The following PCDHA5 variants were observed in gnomAD, a reference collection of about 807,000 sequenced individuals.
PCDHA5 encodes protocadherin alpha 5.
PCDHA5 carries 43 observed loss-of-function variants against 61.6 expected under a neutral mutation model. The observed-to-expected ratio is 0.70, with a 90% CI of 0.55 to 0.90. PCDHA5 has a LOEUF of 0.90. PCDHA5 is among the 40% of genes least tolerant of loss of function. The pLI is 0.00. For missense variants in PCDHA5, 1,298 were observed against 1,222.7 expected (o/e 1.06, Z -0.92); for synonymous variants, 627 against 543.9 (o/e 1.15, Z -2.13).
intron 1 of PCDHA5, chr5:140,857,981 C>G (rs377577023): frequency 6.3e-7 from 1 of 1,596,978 alleles, no homozygotes; most frequent in Non-Finnish European, 8.6e-7. Flanking sequence ...GCCACGCCAG[C>G]GCCTACTGGT....
At position 141,010,031 on chromosome 5, in the gene PCDHA5, A is replaced by C; in HGVS notation, c.*94A>C. On this transcript the variant is annotated 3_prime_UTR_variant, in exon 4 of 4. Transcript: ENST00000529859. Reference sequence around the variant, plus strand: ...TTCCCTGCTCCTTTTTCCTATCTACATGAGCCCTCTTAGAGACCTCAGAAA... The same window carrying C: ...TTCCCTGCTCCTTTTTCCTATCTACCTGAGCCCTCTTAGAGACCTCAGAAA... 4 of 1,581,690 alleles carry C rather than the reference A, an allele frequency of 2.5e-6. No individual in the cohort carries two copies. Among genetic ancestry groups the C allele is most frequent in the South Asian group, 1.2e-5 (1 of 84,422 alleles).
In PCDHA5 at chr5:140,843,133, C is replaced by T. The variant is rs2150353566; in HGVS notation, c.2352+19006C>T. The T allele has an allele frequency of 2.5e-6, 4 of 1,595,974 alleles. 1 individual carries two copies. The highest frequency in any genetic ancestry group is 3.4e-6 in the Non-Finnish European group (4 of 1,165,590). ...CAGTGGACGCCGACTCGGGCTACAA[C>T]GCGTGGCTTTCGTATGAGCTGCAGC... On this transcript the variant is annotated intron_variant, in intron 1 of 3. Transcript: ENST00000529859.
intron 2 of PCDHA5, among the ~76,000 whole-genome samples, chr5:140,979,796 T>A (rs1322390860): frequency 3.3e-5 from 5 of 152,236 alleles, no homozygotes; most frequent in Non-Finnish European, 7.3e-5. Flanking sequence ...AAACAAATGA[T>A]CACAACTATC....
At chr5:140,842,265 T>C in intron 1 of PCDHA5, 1 of 1,610,902 alleles carries the variant, frequency 6.2e-7, no homozygotes. Flanking sequence ...CAAGAAAACT[T>C]ATACAAAATC....
intron 1 of PCDHA5, among the ~76,000 whole-genome samples, chr5:140,826,793 T>C (rs1346531723): frequency 6.6e-5 from 10 of 152,152 alleles, no homozygotes; most frequent in Admixed American, 6.5e-4. Context: ...TGCAAAAAGT[T>C]GATTACCTAA....
chr5:140,830,188 C>T, intron 1 of PCDHA5: 1 of 1,613,672 alleles, frequency 6.2e-7, no homozygotes, highest in South Asian at 1.1e-5. Flanking sequence ...TCAACGTGTA[C>T]CTGATCATCG....
intron 1 of PCDHA5, among the ~76,000 whole-genome samples, chr5:140,917,749 C>G (rs2078340847): frequency 6.6e-6 from 1 of 152,144 alleles, no homozygotes; most frequent in African/African-American, 2.4e-5. Flanking sequence ...TCCCATTGGT[C>G]TATGTGTCTG....
At position 140,846,059 on chromosome 5, in the gene PCDHA5, G is replaced by A. The variant is rs1780185610; in HGVS notation, c.2352+21932G>A. ...AGTCAAGTTAACACCACCTATGTGG[G>A]AAAACAGTTTTTTGGAAAGGTTAAA... On this transcript the variant is annotated intron_variant, in intron 1 of 3. Coordinates refer to ENST00000529859, the MANE Select transcript of PCDHA5 (RefSeq NM_018908.3). 2.0e-5 allele frequency among the ~76,000 whole-genome samples: 3 copies of A among 149,674 alleles called. No individual in the cohort carries two copies. The South Asian group carries it at 6.3e-4, about 32-fold the overall frequency.
intron 1 of PCDHA5, 109 bp downstream of exon 1, chr5:140,824,236 A>T (rs1554129815): frequency 6.6e-7 from 1 of 1,505,494 alleles, no homozygotes; most frequent in Non-Finnish European, 9.2e-7. Flanking sequence ...GTACACAAAT[A>T]TTGTGGTACA....
At chr5:140,978,851 C>T (rs2096826375) in intron 1 of PCDHA5, 98 bp from the exon 2 acceptor site, 2 of 1,578,528 alleles carry the variant, frequency 1.3e-6, no homozygotes, top group South Asian at 2.3e-5. Flanking sequence ...TTTTTAGATG[C>T]CTGGAAATAT....
intron 1 of PCDHA5, chr5:140,868,954 C>G: frequency 7.4e-7 from 1 of 1,348,952 alleles, no homozygotes; most frequent in Non-Finnish European, 1.0e-6. Flanking sequence ...GTGAGGCACT[C>G]CCATACAAAG....
rs2150358985 is a variant in PCDHA5, at chr5:140,843,390, A to T, written c.2352+19263A>T. The T allele has an allele frequency of 7.2e-5, 115 of 1,595,932 alleles. 13 individuals carry two copies. Among genetic ancestry groups the T allele is most frequent in the Admixed American group, 3.7e-4 (22 of 59,276 alleles). ...CAGTCGGCTGGCGTTTTGGGTCCGG[A>T]AGCGGCGCTGGTGGATGTCAACGTG... On this transcript the variant is annotated intron_variant, in intron 1 of 3. Coordinates refer to ENST00000529859, the MANE Select transcript of PCDHA5 (RefSeq NM_018908.3).
chr5:140,967,528 T>C, intron 1 of PCDHA5: 3 of 1,613,146 alleles, frequency 1.9e-6, no homozygotes, highest in Non-Finnish European at 2.5e-6. Context: ...ACGACAACTC[T>C]CCTGCCTTTG....
chr5:140,826,588 A>T (rs1554130595), intron 1 of PCDHA5, among the ~76,000 whole-genome samples: 1 of 152,184 alleles, frequency 6.6e-6, no homozygotes, highest in African/African-American at 2.4e-5. Flanking sequence ...CAAATGGATA[A>T]CATTAAGGTT....
intron 1 of PCDHA5, among the ~76,000 whole-genome samples, chr5:140,885,350 G>C (rs1050079674): frequency 6.6e-6 from 1 of 152,108 alleles, no homozygotes; most frequent in African/African-American, 2.4e-5. Context: ...ATTTCCAAAA[G>C]GTACTGGTGA....
chr5:140,858,071 C>T (rs782061637), intron 1 of PCDHA5: 1 of 1,597,680 alleles, frequency 6.3e-7, no homozygotes, highest in Admixed American at 1.7e-5. Flanking sequence ...CAGCCAGGCA[C>T]CCAAGGCCTC....
chr5:140,835,058 C>G, intron 1 of PCDHA5: 1 of 1,218,396 alleles, frequency 8.2e-7, no homozygotes, highest in Non-Finnish European at 1.1e-6. Flanking sequence ...TGACTGGCAC[C>G]GTTCAATTAC....
chr5:140,901,658 G>T (rs1554189962), intron 1 of PCDHA5, among the ~76,000 whole-genome samples: 1 of 151,936 alleles, frequency 6.6e-6, no homozygotes, highest in Admixed American at 6.6e-5. Flanking sequence ...TGTTCTTTTT[G>T]CTCAAGATAC....
chr5:140,882,660 C>G lies in PCDHA5; in HGVS notation c.2352+58533C>G, dbSNP rs147326638. Reference sequence around the variant, plus strand: ...GTGAGGGACATTAACGACAACCCGCCCATATTCCCTGAAAGCAAGAAACGA... The same window carrying G: ...GTGAGGGACATTAACGACAACCCGCGCATATTCCCTGAAAGCAAGAAACGA... On this transcript the variant is annotated intron_variant, in intron 1 of 3. Coordinates refer to ENST00000529859, the MANE Select transcript of PCDHA5 (RefSeq NM_018908.3). 14 of 1,614,090 alleles carry G rather than the reference C, an allele frequency of 8.7e-6. No individual in the cohort carries two copies. Among genetic ancestry groups the G allele is most frequent in the African/African-American group, 1.3e-5 (1 of 74,928 alleles).
Sources: allele counts gnomAD v4.1 joint callset (sites outside exome capture counted in the v4.1 genomes callset), GRCh38; gene constraint gnomAD v4.1.1; transcripts MANE v1.5; gene names NCBI Gene and HGNC (gene_info 2026-07-23, HGNC 2026-07-21).